Variants in ADGRF5 observed in about 807,000 individuals in gnomAD.
ADGRF5 encodes G-protein coupled receptor 116.
A neutral mutation model predicts 132.3 loss-of-function variants in ADGRF5; 75 were observed. The ratio of observed to expected loss-of-function variants is 0.57; its 90% confidence interval spans 0.47 to 0.69. The LOEUF (loss-of-function observed/expected upper bound fraction) is 0.69. ADGRF5 is among the 30% of genes least tolerant of loss of function. The pLI is 0.00. For missense variants in ADGRF5, 1,516 were observed against 1,630.6 expected (o/e 0.93, Z 1.21); for synonymous variants, 629 against 597.6 (o/e 1.05, Z -0.77).
At chr6:46,929,800 T>C (rs1398746128) in intron 1 of ADGRF5, among the ~76,000 whole-genome samples, 1 of 150,694 alleles carries the variant, frequency 6.6e-6, no homozygotes, top group Non-Finnish European at 1.5e-5. Flanking sequence ...CTTCTTATTA[T>C]TTTTATTTTG....
At chr6:46,941,387 C>CAAA (rs1178957512) in intron 1 of ADGRF5, among the ~76,000 whole-genome samples, 2 of 83,186 alleles carry the variant, frequency 2.4e-5, no homozygotes, top group Non-Finnish European at 2.4e-5. Flanking sequence ...AAGAAAGAAA[C>CAAA]AAAGAAAAGA....
intron 10 of ADGRF5, among the ~76,000 whole-genome samples, chr6:46,873,709 T>C (rs2150817291): frequency 6.6e-6 from 1 of 152,328 alleles, no homozygotes; most frequent in Middle Eastern, 3.4e-3. Flanking sequence ...CGTTGGAAAC[T>C]TTAGAAGCAA....
intron 9 of ADGRF5, 38 bp from the exon 10 acceptor site, chr6:46,878,443 C>A (rs1562178201): frequency 8.1e-7 from 1 of 1,227,490 alleles, no homozygotes; most frequent in African/African-American, 1.5e-5. Context: ...TATTATAACA[C>A]ATGTGTATTT....
chr6:46,854,428 T>C (rs1294825303), intron 20 of ADGRF5, among the ~76,000 whole-genome samples: 4 of 152,026 alleles, frequency 2.6e-5, no homozygotes, highest in Admixed American at 6.6e-5. Context: ...TCTTGGGTTG[T>C]GGTGACTTGG....
intron 17 of ADGRF5, among the ~76,000 whole-genome samples, chr6:46,857,884 T>C (rs1185409787): frequency 6.6e-6 from 1 of 152,174 alleles, no homozygotes; most frequent in African/African-American, 2.4e-5. Context: ...GTGTAATCAG[T>C]GTATTTAGCA....
Position 46,859,306 on chromosome 6 carries a change from T to C in ADGRF5, c.2597A>G (p.Tyr866Cys). 2 of 1,613,478 alleles carry C rather than the reference T, an allele frequency of 1.2e-6. No homozygotes were observed. Among genetic ancestry groups the C allele is most frequent in the Non-Finnish European group, 1.7e-6 (2 of 1,179,442 alleles). ...GTATGGGAAAACAAACCTCTGTTGA[T>C]AGGTTTCTGGGTGGCTGGACTTGAT... ...MVIKSSHPETYQQRFVFPYFD... is the reference protein window; with the variant it reads ...MVIKSSHPETCQQRFVFPYFD... Residue 866 changes from tyrosine (Y) to cysteine (C), a missense_variant, in exon 17 of 21, where the codon TAT (tyrosine) becomes TGT (cysteine). By Grantham distance (194) the Tyr-to-Cys change is radical. Transcript: ENST00000283296.
At chr6:46,949,689 C>T (rs1454334161) in intron 1 of ADGRF5, among the ~76,000 whole-genome samples, 4 of 152,156 alleles carry the variant, frequency 2.6e-5, no homozygotes, top group Admixed American at 6.5e-5. Context: ...GTCATATTTC[C>T]ATTTTAGCTA....
chr6:46,947,939 G>C (rs1778361221), intron 1 of ADGRF5, among the ~76,000 whole-genome samples: 1 of 152,152 alleles, frequency 6.6e-6, no homozygotes, highest in Non-Finnish European at 1.5e-5. Context: ...GATTGGGCAG[G>C]GGTGGTGATG....
At chr6:46,891,974 T>A (rs922356086) in intron 3 of ADGRF5, among the ~76,000 whole-genome samples, 1 of 152,156 alleles carries the variant, frequency 6.6e-6, no homozygotes, top group Non-Finnish European at 1.5e-5. Context: ...TAGAAACTGA[T>A]ATGGATGGGG....
chr6:46,948,470 TAGTG>T (rs1185367474), intron 1 of ADGRF5, among the ~76,000 whole-genome samples: 1 of 127,680 alleles, frequency 7.8e-6, no homozygotes. Context: ...ATACTTGCTC[TAGTG>T]AGTGTGTGTG....
chr6:46,931,454 T>G (rs1364267139), intron 1 of ADGRF5, among the ~76,000 whole-genome samples: 1 of 152,226 alleles, frequency 6.6e-6, no homozygotes, highest in Admixed American at 6.5e-5. Flanking sequence ...CCATAACCAA[T>G]GGTCAATTAG....
At chr6:46,854,732 G>A in intron 20 of ADGRF5, 1 of 1,286,580 alleles carries the variant, frequency 7.8e-7, no homozygotes, top group Non-Finnish European at 1.0e-6. Context: ...TTGCTGAACT[G>A]CCACCGCTAA....
At position 46,858,908 on chromosome 6, in the gene ADGRF5, G is replaced by A; in HGVS notation, c.2995C>T (p.Pro999Ser). The A allele has an allele frequency of 6.2e-7, 1 of 1,614,046 alleles. No individual in the cohort carries two copies. Among genetic ancestry groups the A allele is most frequent in the African/African-American group, 1.3e-5 (1 of 75,016 alleles). ...AGAGAACTAGGATCTGGGGAGTCAG[G>A]GGACATGAGGATGGAGAATGATGTT... ...HLTSFSILMS[P>S]DSPDPSSLLG... Residue 999 changes from proline (P) to serine (S), a missense_variant, in exon 17 of 21, where the codon CCT becomes TCT. Transcript: ENST00000283296.
chr6:46,931,651 A>G (rs374958346), intron 1 of ADGRF5, among the ~76,000 whole-genome samples: 3 of 152,168 alleles, frequency 2.0e-5, no homozygotes, highest in African/African-American at 7.2e-5. Flanking sequence ...GTCCTCTTTC[A>G]CCTGTGCTTT....
intron 16 of ADGRF5, 25 bp from the exon 17 acceptor site, chr6:46,859,548 A>G: frequency 7.3e-7 from 1 of 1,377,592 alleles, no homozygotes; most frequent in Non-Finnish European, 1.0e-6. Flanking sequence ...GTATGGGGTC[A>G]AACTAACCAA....
chr6:46,885,149 G>A (rs1772923755), intron 4 of ADGRF5, among the ~76,000 whole-genome samples: 1 of 144,620 alleles, frequency 6.9e-6, no homozygotes. Context: ...AGTTGAGATT[G>A]CAACCACTAC....
chr6:46,953,648 T>C (rs1345670682), intron 1 of ADGRF5, among the ~76,000 whole-genome samples: 1 of 18,764 alleles, frequency 5.3e-5, no homozygotes, highest in African/African-American at 2.0e-4. Flanking sequence ...TATAGATATA[T>C]GTGTATATAT....
intron 2 of ADGRF5, among the ~76,000 whole-genome samples, chr6:46,906,306 C>T (rs1775361036): frequency 6.6e-6 from 1 of 152,190 alleles, no homozygotes; most frequent in Non-Finnish European, 1.5e-5. Context: ...TCCTTCAAAT[C>T]TGCTTTGTTG....
At chr6:46,923,883 C>T (rs146265811), upstream of ADGRF5, among the ~76,000 whole-genome samples, 1,003 of 152,310 alleles carry the variant, frequency 6.6e-3, 10 homozygotes, top group African/African-American at 0.021. Flanking sequence ...AATTGACTGT[C>T]ACAGCAGCCG....
Sources: gnomAD v4.1 joint callset for allele counts (sites outside exome capture counted in the v4.1 genomes callset) on GRCh38, gnomAD v4.1.1 for gene constraint, MANE v1.5 for transcripts, NCBI Gene and HGNC (gene_info 2026-07-23, HGNC 2026-07-21) for gene names.